POLE4: variants seen among roughly 807,000 people sequenced by gnomAD.
POLE4 encodes the protein DNA polymerase epsilon 4, accessory subunit, also known as DNA polymerase epsilon subunit 4.
POLE4 carries 15 observed loss-of-function variants against 15.6 expected under a neutral mutation model. The ratio of observed to expected loss-of-function variants is 0.96; its 90% CI spans 0.64 to 1.48. The LOEUF (loss-of-function observed/expected upper bound fraction) is 1.48. POLE4 is among the 40% of genes most tolerant of loss of function. POLE4 has a pLI of 0.00. For synonymous variants in POLE4, 83 were observed against 63.2 expected (o/e 1.31, Z -1.49); for missense variants, 205 against 151.9 (o/e 1.35, Z -1.84).
chr2:74,963,579 A>G (rs375943300), intron 3 of POLE4, among the ~76,000 whole-genome samples: 12 of 151,988 alleles, frequency 7.9e-5, no homozygotes, highest in South Asian at 2.1e-4. Context: ...TCTCTGCTCA[A>G]TGCAGCCCCC....
chr2:74,962,036 G>T (rs1671227276), intron 3 of POLE4, among the ~76,000 whole-genome samples: 1 of 152,124 alleles, frequency 6.6e-6, no homozygotes, highest in Non-Finnish European at 1.5e-5. Flanking sequence ...TTTTCTGGTG[G>T]TTACGTTTAT....
Position 74,960,080 on chromosome 2 carries a change from G to A in POLE4, c.299-25G>A, listed in dbSNP as rs543049240. 8.1e-6 allele frequency: 13 copies of A among 1,610,744 alleles called. No homozygotes were observed. In the East Asian group the frequency reaches 2.2e-4, roughly 28 times the overall value. On this transcript the variant is annotated intron_variant, in intron 2 of 3. Transcript: ENST00000483063. ...AGGTCAGCATGGCTGAAGTTAGTCA[G>A]GTGTCTCTTTTCCTTGTGTTTCAGA...
At chr2:74,960,211 A>G in intron 3 of POLE4, 65 bp downstream of exon 3, 2 of 1,328,806 alleles carry the variant, frequency 1.5e-6, no homozygotes, top group South Asian at 1.2e-5. Context: ...GAAATTCAAA[A>G]TCTCATAAAA....
intron 1 of POLE4, 98 bp downstream of exon 1, chr2:74,958,990 C>G: frequency 7.6e-6 from 9 of 1,189,484 alleles, no homozygotes; most frequent in South Asian, 4.5e-5. Flanking sequence ...CGGCGTGGCC[C>G]GGGTTTTGAG....
At chr2:74,966,103 T>TC (rs905715046) in intron 3 of POLE4, among the ~76,000 whole-genome samples, 6 of 152,186 alleles carry the variant, frequency 3.9e-5, no homozygotes, top group East Asian at 1.9e-4. Flanking sequence ...TTGATTTTTT[T>TC]CCCTCTATCA....
Position 74,969,548 on chromosome 2 carries a change from A to C in POLE4, c.*126A>C. The C allele has an allele frequency of 1.2e-6, 1 of 863,234 alleles. No homozygotes were observed. The highest frequency in any genetic ancestry group is 2.0e-6 in the Non-Finnish European group (1 of 499,908). 53.5% of individuals were successfully genotyped at this position (863,234 alleles called of 1,614,324 possible). A position where few individuals can be genotyped will look rare whatever the true frequency, so the allele number is the denominator to read the frequency against. ...CACTCTTCCTGTTCTGCCTTCACCT[A>C]TGCCGGGATAAGCAGAGATCTCATC... is the stretch of plus-strand genomic sequence containing the variant. On this transcript the variant is annotated 3_prime_UTR_variant, in exon 4 of 4. Coordinates refer to ENST00000483063, the MANE Select transcript of POLE4 (RefSeq NM_019896.4).
intron 1 of POLE4, chr2:74,959,137 T>TAG (rs1558826672): frequency 1.6e-6 from 1 of 610,980 alleles, no homozygotes; most frequent in African/African-American, 1.9e-5. Flanking sequence ...ACAGAACTTG[T>TAG]AGGAGTCTTT....
intron 3 of POLE4, chr2:74,961,376 A>G (rs1381874196): frequency 6.6e-6 from 1 of 152,230 alleles, no homozygotes; most frequent in East Asian, 1.9e-4. Context: ...TTTAATTTGC[A>G]GATTTTTCTT....
chr2:74,958,977 G>A (rs772023725), intron 1 of POLE4, 85 bp downstream of exon 1: 549 of 1,288,414 alleles, frequency 4.3e-4, no homozygotes, highest in South Asian at 1.7e-3. Context: ...GCGGGGCTTA[G>A]GGCGGCGTGG....
chr2:74,965,207 C>T (rs1671279145), intron 3 of POLE4, among the ~76,000 whole-genome samples: 1 of 151,520 alleles, frequency 6.6e-6, no homozygotes, highest in African/African-American at 2.4e-5. Flanking sequence ...GATTCTCCTG[C>T]CTCAGCCTCT....
intron 3 of POLE4, among the ~76,000 whole-genome samples, chr2:74,967,883 T>G (rs570121007): frequency 5.9e-5 from 9 of 152,248 alleles, no homozygotes; most frequent in African/African-American, 2.2e-4. Context: ...GCTGCAGGCC[T>G]GTGAAGGGGC....
Position 74,960,245 on chromosome 2 carries a change from T to A in POLE4, c.340+99T>A, listed in dbSNP as rs1671196454. 9 of 1,017,800 alleles carry A rather than the reference T, an allele frequency of 8.8e-6. No individual in the cohort carries two copies. The South Asian group carries it at 1.0e-4, about 12-fold the overall frequency. The allele number at this position is 1,017,800 out of a possible 1,614,324, so 63.0% of individuals were successfully genotyped here. A position where few individuals can be genotyped will look rare whatever the true frequency, so the allele number is the denominator to read the frequency against. On this transcript the variant is annotated intron_variant, in intron 3 of 3. Coordinates refer to ENST00000483063, the MANE Select transcript of POLE4 (RefSeq NM_019896.4). ...AACGGATGCCTGCTTCTTGTTTGTG[T>A]AGGGATAATTCTCCGCACTTGCTAT...
intron 3 of POLE4, 51 bp downstream of exon 3, chr2:74,960,197 A>G (rs770018397): frequency 1.4e-6 from 2 of 1,460,190 alleles, no homozygotes; most frequent in Non-Finnish European, 1.9e-6. Context: ...TTGCATGTTG[A>G]TGTGAAATTC....
chr2:74,959,194 C>T, intron 1 of POLE4, 147 bp from the exon 2 acceptor site: 1 of 627,084 alleles, frequency 1.6e-6, no homozygotes, highest in Admixed American at 2.9e-5. Context: ...AATGGATCTT[C>T]ATGAAGTCCA....
chr2:74,968,118 G>C (rs575062971), intron 3 of POLE4, among the ~76,000 whole-genome samples: 1 of 152,220 alleles, frequency 6.6e-6, no homozygotes, highest in South Asian at 2.1e-4. Context: ...TGTTCTTACT[G>C]TCTCTAGATT....
intron 3 of POLE4, among the ~76,000 whole-genome samples, chr2:74,964,795 T>C (rs1671273270): frequency 6.6e-6 from 1 of 152,148 alleles, no homozygotes; most frequent in Non-Finnish European, 1.5e-5. Flanking sequence ...CTGCCAATAA[T>C]AATAATTTTG....
chr2:74,959,776 A>G (rs750456483), intron 2 of POLE4: 8 of 451,710 alleles, frequency 1.8e-5, no homozygotes, highest in Non-Finnish European at 2.8e-5. Context: ...CGTATACCGT[A>G]TTCTCATGCG....
At chr2:74,960,486 A>C (rs966642344) in intron 3 of POLE4, 12 of 465,304 alleles carry the variant, frequency 2.6e-5, no homozygotes, top group Non-Finnish European at 4.6e-5. Context: ...GATCAGAAAC[A>C]ATTGTTAACA....
chr2:74,968,032 C>T (rs183785660), intron 3 of POLE4, among the ~76,000 whole-genome samples: 6 of 152,244 alleles, frequency 3.9e-5, no homozygotes, highest in Admixed American at 2.0e-4. Context: ...CACAAATAAC[C>T]GCCCAGTTTC....
Sources: gnomAD v4.1 joint callset for allele counts (sites outside exome capture counted in the v4.1 genomes callset) on GRCh38, gnomAD v4.1.1 for gene constraint, MANE v1.5 for transcripts, NCBI Gene and HGNC (gene_info 2026-07-23, HGNC 2026-07-21) for gene names.